The following DCDC2C variants were observed in gnomAD, a reference collection of about 807,000 sequenced individuals.
DCDC2C encodes the protein doublecortin domain containing 2C.
Under a neutral mutation model 45.0 loss-of-function variants are expected in DCDC2C, and 44 were observed. The observed-to-expected ratio is 0.98, with a 90% confidence interval of 0.77 to 1.26. DCDC2C has a LOEUF of 1.26. Among genes scored for constraint, DCDC2C ranks in the 50% most tolerant of loss-of-function variants. DCDC2C has a pLI of 0.00. For missense variants in DCDC2C, 447 were observed against 468.9 expected (o/e 0.95, Z 0.43); for synonymous variants, 187 against 178.8 (o/e 1.05, Z -0.37).
At chr2:3,825,474 A>G (rs1286778993) in intron 10 of DCDC2C, among the ~76,000 whole-genome samples, 2 of 152,152 alleles carry the variant, frequency 1.3e-5, no homozygotes, top group African/African-American at 4.8e-5. Context: ...GCTTTTTCTT[A>G]TTGGTAAGGC....
chr2:3,727,469 A>T (rs1302474878), intron 3 of DCDC2C, among the ~76,000 whole-genome samples: 1 of 152,080 alleles, frequency 6.6e-6, no homozygotes, highest in Non-Finnish European at 1.5e-5. Flanking sequence ...CAGCATGTTG[A>T]AGGGAAATTT....
At chr2:3,740,626 TATTGTA>T (rs1363868501) in intron 3 of DCDC2C, among the ~76,000 whole-genome samples, 3 of 152,216 alleles carry the variant, frequency 2.0e-5, no homozygotes, top group African/African-American at 7.2e-5. Flanking sequence ...AGCAAATCTT[TATTGTA>T]ATTGTAATAG....
intron 6 of DCDC2C, among the ~76,000 whole-genome samples, chr2:3,763,661 TCTGA>T (rs1189486679): frequency 6.6e-6 from 1 of 152,212 alleles, no homozygotes; most frequent in Non-Finnish European, 1.5e-5. Flanking sequence ...GTTCCCATTG[TCTGA>T]CTGTAAGCAC....
At chr2:3,709,401 TCTC>T (rs1668150269) in intron 2 of DCDC2C, among the ~76,000 whole-genome samples, 2 of 152,208 alleles carry the variant, frequency 1.3e-5, no homozygotes, top group Non-Finnish European at 2.9e-5. Flanking sequence ...AAGCGGCTCT[TCTC>T]TGTGTCTTTG....
At chr2:3,837,525 C>T (rs1315895917) in intron 10 of DCDC2C, among the ~76,000 whole-genome samples, 1 of 152,014 alleles carries the variant, frequency 6.6e-6, no homozygotes, top group Non-Finnish European at 1.5e-5. Context: ...TAGGTTCTTT[C>T]TGGGGGTGGG....
chr2:3,785,029 T>C (rs1670613742), intron 9 of DCDC2C, 30 bp from the exon 10 acceptor site: 1 of 1,227,534 alleles, frequency 8.1e-7, no homozygotes, highest in South Asian at 4.1e-5. Flanking sequence ...CTTGCGATAG[T>C]TGATTCCTAT....
chr2:3,715,718 A>C (rs898587122), intron 2 of DCDC2C, among the ~76,000 whole-genome samples: 3 of 152,222 alleles, frequency 2.0e-5, no homozygotes, highest in Non-Finnish European at 4.4e-5. Context: ...TACTAAGCCC[A>C]ACGGTTTTTT....
At chr2:3,787,233 G>A (rs1670679940) in intron 10 of DCDC2C, among the ~76,000 whole-genome samples, 1 of 152,196 alleles carries the variant, frequency 6.6e-6, no homozygotes, top group Non-Finnish European at 1.5e-5. Context: ...CTTTTAAAGG[G>A]AATATTTTAC....
chr2:3,754,756 G>A, intron 6 of DCDC2C, 122 bp downstream of exon 6: 3 of 790,718 alleles, frequency 3.8e-6, no homozygotes, highest in Non-Finnish European at 5.9e-6. Flanking sequence ...GCCAGGGCCT[G>A]GGCCAGCATC....
chr2:3,766,406 A>G (rs967295016), intron 6 of DCDC2C, among the ~76,000 whole-genome samples: 6 of 152,160 alleles, frequency 3.9e-5, no homozygotes, highest in South Asian at 2.1e-4. Flanking sequence ...TGCTGAAAAG[A>G]ATCAACCAGA....
intron 10 of DCDC2C, among the ~76,000 whole-genome samples, chr2:3,826,766 C>T (rs1412090659): frequency 1.3e-5 from 2 of 152,072 alleles, no homozygotes; most frequent in African/African-American, 4.8e-5. Context: ...AAATAAAGCA[C>T]CTGCAGCCCC....
intron 10 of DCDC2C, among the ~76,000 whole-genome samples, chr2:3,839,311 A>C (rs973718424): frequency 1.3e-5 from 2 of 152,240 alleles, no homozygotes; most frequent in Non-Finnish European, 2.9e-5. Context: ...TTATACCTTC[A>C]ACCAAAACAT....
intron 6 of DCDC2C, among the ~76,000 whole-genome samples, chr2:3,755,978 A>C (rs771874148): frequency 1.3e-5 from 2 of 151,888 alleles, no homozygotes; most frequent in Non-Finnish European, 2.9e-5. Flanking sequence ...GGATGCATAC[A>C]TGGGTATTCA....
At chr2:3,739,756 G>T (rs1669147937) in intron 3 of DCDC2C, among the ~76,000 whole-genome samples, 1 of 152,238 alleles carries the variant, frequency 6.6e-6, no homozygotes, top group Non-Finnish European at 1.5e-5. Flanking sequence ...CAGAACCCGG[G>T]ATACAAAGCC....
intron 10 of DCDC2C, among the ~76,000 whole-genome samples, chr2:3,797,184 T>C (rs1392051671): frequency 6.6e-6 from 1 of 152,236 alleles, no homozygotes; most frequent in African/African-American, 2.4e-5. Flanking sequence ...TCTCTGATGG[T>C]AGTTTGTATT....
intron 10 of DCDC2C, among the ~76,000 whole-genome samples, chr2:3,810,046 A>G (rs1008589860): frequency 1.3e-5 from 2 of 152,220 alleles, no homozygotes; most frequent in African/African-American, 4.8e-5. Flanking sequence ...TAGTGCTGCA[A>G]TAAACATACG....
chr2:3,742,233 C>T (rs980995680), intron 4 of DCDC2C, among the ~76,000 whole-genome samples, 185 bp downstream of exon 4: 2 of 152,202 alleles, frequency 1.3e-5, no homozygotes, highest in Non-Finnish European at 2.9e-5. Flanking sequence ...TGGCCTCATT[C>T]ATTTATTCAT....
At chr2:3,748,451 G>A (rs922781375) in intron 4 of DCDC2C, among the ~76,000 whole-genome samples, 4 of 152,198 alleles carry the variant, frequency 2.6e-5, no homozygotes, top group African/African-American at 7.2e-5. Flanking sequence ...TCTGATCAGA[G>A]CAGCTGGGTG....
chr2:3,842,867 C>A (rs191180729), intron 10 of DCDC2C, among the ~76,000 whole-genome samples: 1 of 152,080 alleles, frequency 6.6e-6, no homozygotes, highest in Non-Finnish European at 1.5e-5. Context: ...GATACCCAGC[C>A]ATCTCAGCCC....
Sources: allele counts gnomAD v4.1 joint callset (sites outside exome capture counted in the v4.1 genomes callset), GRCh38; gene constraint gnomAD v4.1.1; transcripts MANE v1.5; gene names NCBI Gene and HGNC (gene_info 2026-07-23, HGNC 2026-07-21).